The following MSLN variants were observed in gnomAD, a reference collection of about 807,000 sequenced individuals.
The protein encoded by MSLN is mesothelin, also known as CAK1 antigen.
In MSLN, 82 loss-of-function variants were observed where a neutral mutation model predicts 72.6. The observed-to-expected ratio is 1.13, with a 90% CI of 0.94 to 1.36. MSLN has a LOEUF of 1.36. Ranked by LOEUF, MSLN falls within the 40% of genes most tolerant of loss-of-function variation. The probability of loss-of-function intolerance (pLI) is 0.00; values close to 1 mark genes in which losing one functional copy is unlikely to be tolerated. For missense variants in MSLN, 1,005 were observed against 847.9 expected (o/e 1.19, Z -2.30); for synonymous variants, 456 against 387.3 (o/e 1.18, Z -2.08).
chr16:766,311 C>T, intron 12 of MSLN, 24 bp from the exon 13 acceptor site: 1 of 1,611,980 alleles, frequency 6.2e-7, no homozygotes. Context: ...GTGACATGGG[C>T]CCTCCTGGTC....
intron 16 of MSLN, among the ~76,000 whole-genome samples, chr16:768,015 TGGGGGGGTGTGGAG>T (rs1354824550): frequency 3.1e-4 from 5 of 15,924 alleles, no homozygotes; most frequent in African/African-American, 5.0e-4. Context: ...GAGGGGCGCA[TGGGGGGGTGTGGAG>T]GGGGGCGCGT....
At chr16:762,985 T>G (rs1567355293) in intron 3 of MSLN, among the ~76,000 whole-genome samples, 1 of 152,174 alleles carries the variant, frequency 6.6e-6, no homozygotes, top group Non-Finnish European at 1.5e-5. Context: ...GGATGGGTGG[T>G]CTGACCGGCC....
Position 764,681 on chromosome 16 carries a change from C to A in MSLN, c.335C>A (p.Pro112His), listed in dbSNP as rs749317366. 3 of 1,612,540 alleles carry A rather than the reference C, an allele frequency of 1.9e-6. No homozygotes were observed. The highest frequency in any genetic ancestry group is 4.5e-5 in the East Asian group (2 of 44,874). Reference sequence around the variant, plus strand: ...CTGGCTCACCGGCTCTCTGAGCCCCCCGAGGACCTGGACGCCCTCCCATTG... The same window carrying A: ...CTGGCTCACCGGCTCTCTGAGCCCCACGAGGACCTGGACGCCCTCCCATTG... ...RCLAHRLSEP[P>H]EDLDALPLDL... The change falls in exon 7 of 18, where the codon CCC becomes CAC. Residue 112 changes from proline (P) to histidine (H), a missense_variant. Pro to His is a moderately conservative substitution (Grantham distance 77). Transcript: ENST00000545450.
chr16:765,892 C>G, intron 11 of MSLN, 102 bp downstream of exon 11: 1 of 1,350,246 alleles, frequency 7.4e-7, no homozygotes. Flanking sequence ...CTCTGCAGCA[C>G]ATCCCATTAT....
At chr16:768,134 G>A (rs1340850984) in intron 16 of MSLN, among the ~76,000 whole-genome samples, 4 of 148,262 alleles carry the variant, frequency 2.7e-5, no homozygotes, top group Admixed American at 2.7e-4. Context: ...CGGGGGGTGG[G>A]AGGGCGTGTA....
rs1240107821 is a variant in MSLN at position 767,485 on chromosome 16, A to AG, written c.1596+17dup. On this transcript the variant is annotated intron_variant, in intron 16 of 17. Coordinates refer to ENST00000545450, the MANE Select transcript of MSLN (RefSeq NM_005823.6). ...ATGCGGTGCTGGTATGGCGAGCGGG[A>AG]GGAGGGGCGTGTGGAGGAGGGGCCC... The AG allele has an allele frequency of 7.6e-7, 1 of 1,322,474 alleles. No homozygotes were observed. Among genetic ancestry groups the AG allele is most frequent in the South Asian group, 1.2e-5 (1 of 80,722 alleles). The allele number at this position is 1,322,474 out of a possible 1,614,324, so 81.9% of individuals were successfully genotyped here.
chr16:762,917 G>A, intron 3 of MSLN, 152 bp downstream of exon 3: 1 of 646,844 alleles, frequency 1.5e-6, no homozygotes, highest in Non-Finnish European at 2.6e-6. Flanking sequence ...AGAGGTGACT[G>A]GAGCTGGAGA....
intron 16 of MSLN, among the ~76,000 whole-genome samples, chr16:768,038 G>A (rs1189132464): frequency 2.7e-5 from 2 of 73,076 alleles, no homozygotes; most frequent in African/African-American, 6.0e-5. Context: ...AGGGGGGCGC[G>A]TGGAGGGGGC....
chr16:762,666 C>T lies in MSLN; in HGVS notation c.-9-6C>T, dbSNP rs1214055115. 6.2e-7 allele frequency: 1 copy of T among 1,609,250 alleles called. No homozygotes were observed. Among genetic ancestry groups the T allele is most frequent in the South Asian group, 1.1e-5 (1 of 91,024 alleles). On this transcript the variant is annotated splice_region_variant and splice_polypyrimidine_tract_variant and intron_variant, in intron 2 of 17. Transcript: ENST00000545450. Reference sequence around the variant, plus strand: ...GGGTCCCATCCTGAGTCACTGCCCTCCACAGACACAGACCATGGCCTTGCC... The same window carrying T: ...GGGTCCCATCCTGAGTCACTGCCCTTCACAGACACAGACCATGGCCTTGCC...
At chr16:767,073 C>T (rs528766899) in intron 15 of MSLN, 61 bp downstream of exon 15, 226 of 1,606,332 alleles carry the variant, frequency 1.4e-4, no homozygotes, top group South Asian at 2.6e-4. Context: ...AGACTCCACT[C>T]GGGGGTGCCA....
rs1426482226 is a variant in MSLN, at chr16:766,950, C to A, written c.1439C>A (p.Ala480Asp). Residue 480 changes from alanine to aspartate, a missense_variant, in exon 15 of 18, where the codon GCC (alanine) becomes GAC (aspartate). Coordinates refer to ENST00000545450, the MANE Select transcript of MSLN (RefSeq NM_005823.6). Reference protein sequence around the residue: ...PRQLDVLYPKARLAFQNMNGS... With the variant: ...PRQLDVLYPKDRLAFQNMNGS... ...CAGCTGGACGTCCTCTATCCCAAGGCCCGCCTTGCTTTCCAGAACATGAAC... is the reference window on the plus strand; with the variant it reads ...CAGCTGGACGTCCTCTATCCCAAGGACCGCCTTGCTTTCCAGAACATGAAC... 1.2e-6 allele frequency: 2 copies of A among 1,612,702 alleles called. No individual in the cohort carries two copies. Among genetic ancestry groups the A allele is most frequent in the Admixed American group, 1.7e-5 (1 of 60,022 alleles).
chr16:764,596 C>T (rs933668985), intron 6 of MSLN, 51 bp from the exon 7 acceptor site: 2 of 1,495,256 alleles, frequency 1.3e-6, no homozygotes, highest in African/African-American at 2.8e-5. Flanking sequence ...CCTGGCCCAC[C>T]ATGTGAGTGG....
intron 6 of MSLN, among the ~76,000 whole-genome samples, 164 bp downstream of exon 6, chr16:764,307 G>A (rs4438308): frequency 0.19 from 29,295 of 152,238 alleles, 6,755 homozygotes; most frequent in African/African-American, 0.55. Flanking sequence ...GCTGACCACT[G>A]GGGTGCCTGT....
rs149997630 is a variant in MSLN, at chr16:768,489, C to T, written c.1707C>T (p.Asp569=). The change falls in exon 17 of 18, where the codon GAC becomes GAT. Residue 569 remains aspartate (D), a synonymous_variant. Transcript: ENST00000545450. ...VRDWILRQRQ[D]DLDTLGLGLQ... The stretch of plus-strand genomic sequence containing the variant: ...ACTGGATCCTACGGCAGCGGCAGGA[C>T]GACCTGGACACGCTGGGGCTGGGGC... 1.0e-5 allele frequency: 16 copies of T among 1,577,322 alleles called. No individual in the cohort carries two copies. Among genetic ancestry groups the T allele is most frequent in the Admixed American group, 7.0e-5 (4 of 57,538 alleles).
chr16:765,451 G>C, intron 9 of MSLN, 76 bp from the exon 10 acceptor site: 1 of 1,464,908 alleles, frequency 6.8e-7, no homozygotes, highest in Non-Finnish European at 9.2e-7. Context: ...TCCACAGCCA[G>C]GGGGTACGGC....
chr16:768,368 G>T lies in MSLN; in HGVS notation c.1597-11G>T, dbSNP rs747689348. The T allele has an allele frequency of 6.0e-6, 9 of 1,503,162 alleles. No homozygotes were observed. The highest frequency in any genetic ancestry group is 8.0e-6 in the Non-Finnish European group (9 of 1,125,036). The allele number at this position is 1,503,162 out of a possible 1,614,324, so 93.1% of individuals were successfully genotyped here. A position where few individuals can be genotyped will look rare whatever the true frequency, so the allele number is the denominator to read the frequency against. On this transcript the variant is annotated splice_polypyrimidine_tract_variant and intron_variant, in intron 16 of 17. Transcript: ENST00000545450. Reference sequence around the variant, plus strand: ...AGACCCTCCTTGATGGCTGCCCGGGGTCTCTGGCAGCCGTTGACTGTGGCT... The same window carrying T: ...AGACCCTCCTTGATGGCTGCCCGGGTTCTCTGGCAGCCGTTGACTGTGGCT...
chr16:768,420 C>G lies in MSLN; in HGVS notation c.1638C>G (p.His546Gln). The change falls in exon 17 of 18, where the codon CAC (histidine) becomes CAG (glutamine). Residue 546 changes from histidine to glutamine, a missense_variant. His to Gln is a conservative substitution (Grantham distance 24, BLOSUM62 0). Transcript: ENST00000545450. ...VAEVQKLLGP[H>Q]VEGLKAEERH... ...AGGTGCAGAAACTTCTGGGACCCCA[C>G]GTGGAGGGCCTGAAGGCGGAGGAGC... The G allele has an allele frequency of 1.3e-6, 2 of 1,516,022 alleles. No individual in the cohort carries two copies. Among genetic ancestry groups the G allele is most frequent in the Non-Finnish European group, 1.8e-6 (2 of 1,130,340 alleles). The allele number at this position is 1,516,022 out of a possible 1,614,324, so 93.9% of individuals were successfully genotyped here.
At chr16:762,578 A>C (rs1208157569) in intron 2 of MSLN, 94 bp from the exon 3 acceptor site, 1 of 916,152 alleles carries the variant, frequency 1.1e-6, no homozygotes, top group African/African-American at 1.7e-5. Context: ...TTGCTCTGGG[A>C]GCCCCTCCTG....
At chr16:763,893 T>C in intron 5 of MSLN, 130 bp from the exon 6 acceptor site, 1 of 1,195,674 alleles carries the variant, frequency 8.4e-7, no homozygotes, top group Non-Finnish European at 1.1e-6. Flanking sequence ...CGTCACCTGG[T>C]CTTGGGGGGA....
Sources: gnomAD v4.1 joint callset for allele counts (sites outside exome capture counted in the v4.1 genomes callset) on GRCh38, gnomAD v4.1.1 for gene constraint, MANE v1.5 for transcripts, NCBI Gene and HGNC (gene_info 2026-07-23, HGNC 2026-07-21) for gene names.